PRDM10: variants seen among roughly 807,000 people sequenced by gnomAD.
The protein encoded by PRDM10 is PR domain zinc finger protein 10.
A neutral mutation model predicts 133.1 loss-of-function variants in PRDM10; 65 were observed. The observed-to-expected ratio is 0.49, with a 90% CI of 0.40 to 0.60. PRDM10 has a LOEUF of 0.60. Among genes scored for constraint, PRDM10 ranks in the 20% least tolerant of loss-of-function variants. The pLI is 0.00. For synonymous variants in PRDM10, 582 were observed against 580.4 expected, an observed-to-expected ratio of 1.00 and a Z score of -0.04; for missense variants, 1,137 against 1,507.1, an observed-to-expected ratio of 0.75 and a Z score of 4.07.
chr11:129,947,719 T>A lies in PRDM10; in HGVS notation c.295-349A>T, dbSNP rs1010438147. ...TGCGTCCTGACCCCACCCCTAAAAC[T>A]TAATAAAACCTGGTCTCTTCCTGGC... On this transcript the variant is annotated intron_variant, in intron 4 of 20. Coordinates refer to ENST00000360871, the MANE Select transcript of PRDM10 (RefSeq NM_199437.2). The surrounding 1 kb of genome is among the most constrained non-coding windows in gnomAD (Gnocchi z 4.6). The A allele has an allele frequency of 2.2e-6, 1 of 465,082 alleles. No individual in the cohort carries two copies. 28.8% of individuals were successfully genotyped at this position (465,082 alleles called of 1,614,324 possible). A position where few individuals can be genotyped will look rare whatever the true frequency, so the allele number is the denominator to read the frequency against.
chr11:129,944,463 T>C (rs966834944), intron 6 of PRDM10, among the ~76,000 whole-genome samples: 3 of 151,746 alleles, frequency 2.0e-5, no homozygotes, highest in East Asian at 1.9e-4. Context: ...CGGGCGCCTG[T>C]AGTCCCAGCT....
chr11:129,969,667 C>T (rs931627818), intron 1 of PRDM10, among the ~76,000 whole-genome samples: 2 of 150,928 alleles, frequency 1.3e-5, no homozygotes, highest in South Asian at 2.1e-4. Context: ...ATTAGCCGGG[C>T]GTGGTGGTGC....
At chr11:129,964,872 G>C (rs560963193) in intron 1 of PRDM10, among the ~76,000 whole-genome samples, 2 of 152,284 alleles carry the variant, frequency 1.3e-5, no homozygotes, top group Admixed American at 1.3e-4. Flanking sequence ...TAATTTTATT[G>C]TGAGGGTGAA....
In PRDM10 at chr11:129,923,469, T is replaced by C; in HGVS notation, c.1879-66A>G. 3.3e-6 allele frequency: 5 copies of C among 1,511,408 alleles called. No homozygotes were observed. Among genetic ancestry groups the C allele is most frequent in the South Asian group, 1.3e-5 (1 of 77,230 alleles). The allele number at this position is 1,511,408 out of a possible 1,614,324, so 93.6% of individuals were successfully genotyped here. ...ACCAAATGAAATGACCAAAGGCAGC[T>C]TGTCAACGCTAGAGGGAGCCAAACG... On this transcript the variant is annotated intron_variant, in intron 12 of 20. Transcript: ENST00000360871. This position sits in a 1 kb window ranked among gnomAD's most constrained non-coding sequence, Gnocchi z 4.4.
At chr11:129,986,893 C>T (rs1001918926) in intron 1 of PRDM10, among the ~76,000 whole-genome samples, 3 of 152,156 alleles carry the variant, frequency 2.0e-5, no homozygotes, top group African/African-American at 7.2e-5. Flanking sequence ...AAATGAAAAC[C>T]CACACCTGGC....
At chr11:129,963,324 T>C (rs1239612684) in intron 1 of PRDM10, among the ~76,000 whole-genome samples, 1 of 150,728 alleles carries the variant, frequency 6.6e-6, no homozygotes, top group African/African-American at 2.4e-5. Context: ...GGAGGATCCC[T>C]TGAGCCCAGT....
chr11:129,974,037 A>G (rs959295886), intron 1 of PRDM10, among the ~76,000 whole-genome samples: 1 of 152,230 alleles, frequency 6.6e-6, no homozygotes, highest in Non-Finnish European at 1.5e-5. Flanking sequence ...CCCGGCTTCC[A>G]GCCCCGCCTC....
At chr11:129,946,906 C>G (rs11221909) in intron 5 of PRDM10, among the ~76,000 whole-genome samples, 47,422 of 151,958 alleles carry the variant, frequency 0.31, 11,868 homozygotes, top group African/African-American at 0.67. Flanking sequence ...GTGTGACCCC[C>G]AGCGAGCTTC....
chr11:129,903,387 C>T (rs971785935), intron 20 of PRDM10, among the ~76,000 whole-genome samples: 6 of 149,262 alleles, frequency 4.0e-5, no homozygotes, highest in African/African-American at 1.2e-4. Context: ...TTTAAAAAAA[C>T]GCGACCATCA....
rs138240960 is a variant in PRDM10 at position 129,954,897 on chromosome 11, G to A, written c.294+615C>T. On this transcript the variant is annotated intron_variant, in intron 4 of 20. Transcript: ENST00000360871. ...TATATTGCCCAGTCTGGTCTCAAAC[G>A]ATTCTCCCACCTCAGCCTCCCAAAG... 6.9e-3 allele frequency among the ~76,000 whole-genome samples: 1,046 copies of A among 152,220 alleles called. 13 individuals carry two copies. Among genetic ancestry groups the A allele is most frequent in the African/African-American group, 0.024 (992 of 41,532 alleles).
Position 129,910,655 on chromosome 11 carries a change from A to G in PRDM10, c.2984T>C (p.Val995Ala), listed in dbSNP as rs1479541173. Residue 995 changes from valine (V) to alanine (A), a missense_variant and splice_region_variant, in exon 19 of 21, where the codon GTA (valine) becomes GCA (alanine). Around this residue, in one of 6 missense-constraint regions of PRDM10, gnomAD observed 243 missense variants for 259.2 expected, o/e 0.94. Coordinates refer to ENST00000360871, the MANE Select transcript of PRDM10 (RefSeq NM_199437.2). ...TGAGGGACTCAACGGCTGCCCAGAT[A>G]CCTGGGGAGAAAGAGAAAGCAATGG... ...PTASAPSSAQ[V>A]SGQPLSPSAQ... The G allele has an allele frequency of 6.4e-7, 1 of 1,556,736 alleles. No homozygotes were observed. Among genetic ancestry groups the G allele is most frequent in the Non-Finnish European group, 8.7e-7 (1 of 1,151,996 alleles).
intron 10 of PRDM10, 146 bp from the exon 11 acceptor site, chr11:129,931,404 G>T: frequency 1.9e-6 from 2 of 1,075,892 alleles, no homozygotes; most frequent in Non-Finnish European, 2.6e-6. Context: ...AGGTAACTAT[G>T]CACAGAAGGC....
At chr11:129,983,419 C>T (rs780767819) in intron 1 of PRDM10, among the ~76,000 whole-genome samples, 19 of 151,882 alleles carry the variant, frequency 1.3e-4, no homozygotes, top group Admixed American at 4.6e-4. Context: ...CTCAGCCTCC[C>T]GAGTAGCTGG....
At chr11:129,905,526 T>C in intron 20 of PRDM10, 112 bp downstream of exon 20, 1 of 831,728 alleles carries the variant, frequency 1.2e-6, no homozygotes, top group Non-Finnish European at 2.0e-6. Context: ...GAATTCATCA[T>C]CTACTGTGAG....
At chr11:129,970,331 A>G (rs1351582241) in intron 1 of PRDM10, among the ~76,000 whole-genome samples, 3 of 152,190 alleles carry the variant, frequency 2.0e-5, no homozygotes, top group African/African-American at 7.2e-5. Context: ...CAAGTGATGG[A>G]TGGAGACAGA....
At chr11:129,912,377 G>T (rs998918966) in intron 17 of PRDM10, 152 bp from the exon 18 acceptor site, 29 of 819,650 alleles carry the variant, frequency 3.5e-5, no homozygotes, top group Non-Finnish European at 4.6e-5. Context: ...GGCCAAAGCG[G>T]GTGTATCGCT....
rs116517383 is a variant in PRDM10 at position 129,992,239 on chromosome 11, A to C, written c.-119+10483T>G. On this transcript the variant is annotated intron_variant, in intron 1 of 20. Coordinates refer to ENST00000360871, the MANE Select transcript of PRDM10 (RefSeq NM_199437.2). ...GTATAATCATAGTCCACCTGATTCG[A>C]AATGCATTCTGTGGAAATTCAATGT... Among the ~76,000 whole-genome samples, 907 of 152,312 alleles carry C rather than the reference A, an allele frequency of 6.0e-3. 14 individuals are homozygous for C. The highest frequency in any genetic ancestry group is 0.02 in the African/African-American group (848 of 41,556).
intron 18 of PRDM10, among the ~76,000 whole-genome samples, chr11:129,910,934 A>C (rs1018283562): frequency 1.3e-5 from 2 of 151,946 alleles, no homozygotes; most frequent in African/African-American, 4.8e-5. Flanking sequence ...GTGCCAACCC[A>C]CCCAGCTAAT....
chr11:129,910,399 A>G lies in PRDM10; in HGVS notation c.3163+77T>C, dbSNP rs146951434. ...CCAAGAGATACTTTAAAAATCTATC[A>G]CAAGCTGAAGAAATTATGACACATG... On this transcript the variant is annotated intron_variant, in intron 19 of 20. Coordinates refer to ENST00000360871, the MANE Select transcript of PRDM10 (RefSeq NM_199437.2). The G allele has an allele frequency of 6.4e-5, 101 of 1,583,128 alleles. No individual in the cohort carries two copies. In the African/African-American group the frequency reaches 9.0e-4, roughly 14 times the overall value.
Sources: allele counts gnomAD v4.1 joint callset (sites outside exome capture counted in the v4.1 genomes callset), GRCh38; gene constraint gnomAD v4.1.1; regional missense constraint gnomAD v4.1.1; non-coding constraint Gnocchi (gnomAD v3.1); transcripts MANE v1.5; gene names NCBI Gene and HGNC (gene_info 2026-07-23, HGNC 2026-07-21).